CHSY3: variants seen among roughly 807,000 people sequenced by gnomAD.
CHSY3 encodes chondroitin sulfate synthase 3.
CHSY3 carries 35 observed loss-of-function variants against 67.2 expected under a neutral mutation model. That is an observed-to-expected ratio of 0.52 (90% CI 0.40 to 0.69). The LOEUF is 0.69. Ranked by LOEUF, CHSY3 falls within the 30% of genes least tolerant of loss-of-function variation. The probability of loss-of-function intolerance (pLI) is 0.00; values close to 1 mark genes in which losing one functional copy is unlikely to be tolerated. For missense variants in CHSY3, 1,069 were observed against 1,138.5 expected, an observed-to-expected ratio of 0.94 and a Z score of 0.88; for synonymous variants, 474 against 434.7, an observed-to-expected ratio of 1.09 and a Z score of -1.12.
At chr5:129,905,934 G>A (rs534747501) in intron 1 of CHSY3, 4 of 484,690 alleles carry the variant, frequency 8.3e-6, no homozygotes, top group African/African-American at 8.0e-5. Flanking sequence ...GGTTAGAAAA[G>A]GAACCTTAGA....
intron 2 of CHSY3, among the ~76,000 whole-genome samples, chr5:129,925,534 T>A (rs1017629189): frequency 2.0e-5 from 3 of 152,196 alleles, no homozygotes; most frequent in Non-Finnish European, 2.9e-5. Flanking sequence ...TCAAGCTAAT[T>A]AGCATGCGTT....
intron 2 of CHSY3, among the ~76,000 whole-genome samples, chr5:129,923,320 G>A (rs1031383749): frequency 2.6e-5 from 4 of 152,144 alleles, no homozygotes; most frequent in African/African-American, 9.7e-5. Flanking sequence ...TAGGGTATAA[G>A]ATAGGTGGTT....
chr5:130,154,371 T>A (rs1278064303), intron 2 of CHSY3, among the ~76,000 whole-genome samples: 1 of 152,204 alleles, frequency 6.6e-6, no homozygotes, highest in Admixed American at 6.5e-5. Flanking sequence ...AATGTGTGTG[T>A]CCCACTTGCT....
chr5:130,092,446 T>TAA (rs1244244815), intron 2 of CHSY3, among the ~76,000 whole-genome samples: 31 of 152,168 alleles, frequency 2.0e-4, no homozygotes, highest in Admixed American at 3.3e-4. Context: ...CACACCTCTT[T>TAA]ATAAAATACT....
At chr5:130,032,159 G>A (rs1764721618) in intron 2 of CHSY3, among the ~76,000 whole-genome samples, 1 of 152,096 alleles carries the variant, frequency 6.6e-6, no homozygotes, top group Non-Finnish European at 1.5e-5. Context: ...TCTGTTGCAT[G>A]TCTATATAAT....
At chr5:130,016,460 G>A (rs1003994650) in intron 2 of CHSY3, among the ~76,000 whole-genome samples, 1 of 152,162 alleles carries the variant, frequency 6.6e-6, no homozygotes, top group Non-Finnish European at 1.5e-5. Flanking sequence ...CCCTCAGGCT[G>A]GAGTGCAGTG....
chr5:130,057,613 A>G (rs1045832064), intron 2 of CHSY3, among the ~76,000 whole-genome samples: 15 of 152,274 alleles, frequency 9.9e-5, no homozygotes, highest in Admixed American at 6.5e-4. Flanking sequence ...CTGGTAGCAA[A>G]AATCACATTA....
intron 2 of CHSY3, among the ~76,000 whole-genome samples, chr5:130,162,713 T>TA (rs1561565107): frequency 1.3e-5 from 2 of 151,958 alleles, no homozygotes; most frequent in Non-Finnish European, 2.9e-5. Context: ...ATCTTTTTTT[T>TA]AAAAATGTTA....
At chr5:130,124,738 G>A (rs1416801379) in intron 2 of CHSY3, among the ~76,000 whole-genome samples, 5 of 152,148 alleles carry the variant, frequency 3.3e-5, no homozygotes, top group South Asian at 2.1e-4. Flanking sequence ...GATTACAGGC[G>A]TGAGCCACTG....
At position 130,184,521 on chromosome 5, in the gene CHSY3, G is replaced by T; in HGVS notation, c.1379G>T (p.Arg460Ile). ...TTCAACCACTTCCAGCCTCGGGAGA[G>T]AAATGAAGTGATAGAATGGGAGTTC... ...PSFNHFQPRE[R>I]NEVIEWEFLT... Residue 460 changes from arginine (R) to isoleucine (I), a missense_variant, in exon 3 of 3, where the codon AGA becomes ATA. Coordinates refer to ENST00000305031, the MANE Select transcript of CHSY3 (RefSeq NM_175856.5). 1 of 1,610,906 alleles carries T rather than the reference G, an allele frequency of 6.2e-7. No individual in the cohort carries two copies. Among genetic ancestry groups the T allele is most frequent in the South Asian group, 1.1e-5 (1 of 91,018 alleles).
chr5:130,132,724 T>C (rs554123646), intron 2 of CHSY3, among the ~76,000 whole-genome samples: 3 of 152,102 alleles, frequency 2.0e-5, no homozygotes, highest in African/African-American at 7.2e-5. Context: ...TCTAGAGATA[T>C]TTAGCAATGT....
Position 130,145,027 on chromosome 5 carries a change from C to A in CHSY3, c.1087-39202C>A, listed in dbSNP as rs1436870558. Among the ~76,000 whole-genome samples, 3 of 152,070 alleles carry A rather than the reference C, an allele frequency of 2.0e-5. No individual in the cohort carries two copies. The East Asian group carries it at 5.8e-4, about 29-fold the overall frequency. On this transcript the variant is annotated intron_variant, in intron 2 of 2. Transcript: ENST00000305031. The stretch of plus-strand genomic sequence containing the variant: ...AGAGAGAGGGAAGGGCAGTGCTACA[C>A]ACATTTAAACAACCAGATCTTATGA...
intron 2 of CHSY3, among the ~76,000 whole-genome samples, chr5:129,971,568 A>AT (rs1762641178): frequency 1.3e-5 from 2 of 152,076 alleles, no homozygotes; most frequent in Non-Finnish European, 2.9e-5. Flanking sequence ...AGTTAGTATC[A>AT]TGACCTCTAT....
At chr5:130,116,351 A>T (rs1767800621) in intron 2 of CHSY3, among the ~76,000 whole-genome samples, 1 of 152,230 alleles carries the variant, frequency 6.6e-6, no homozygotes, top group African/African-American at 2.4e-5. Context: ...GCATCAGAGT[A>T]AGCATGGTGC....
chr5:130,052,002 G>T (rs569766944), intron 2 of CHSY3: 3 of 151,824 alleles, frequency 2.0e-5, no homozygotes, highest in Admixed American at 2.0e-4. Flanking sequence ...AATGATTAGG[G>T]TACAGCAAAC....
chr5:130,065,858 T>A (rs1765867011), intron 2 of CHSY3, among the ~76,000 whole-genome samples: 1 of 152,112 alleles, frequency 6.6e-6, no homozygotes, highest in Non-Finnish European at 1.5e-5. Context: ...TCACACAGTC[T>A]CCTCCCCTGT....
intron 2 of CHSY3, among the ~76,000 whole-genome samples, chr5:130,020,598 A>G (rs901566384): frequency 2.1e-5 from 3 of 140,084 alleles, no homozygotes; most frequent in African/African-American, 7.7e-5. Flanking sequence ...TTCTCCGTTC[A>G]GGACCATGTG....
rs371592049 is a variant in CHSY3, at chr5:130,184,817, C to A, written c.1675C>A (p.Arg559Ser). The A allele has an allele frequency of 8.7e-6, 14 of 1,609,798 alleles. No homozygotes were observed. The South Asian group carries it at 8.8e-5, about 10-fold the overall frequency. Residue 559 changes from arginine (R) to serine (S), a missense_variant, in exon 3 of 3, where the codon CGT becomes AGT. Physicochemically the swap from Arg to Ser is moderately radical, Grantham distance 110. Around this residue, in one of 5 missense-constraint regions of CHSY3, gnomAD observed 401 missense variants for 395.2 expected, o/e 1.01. Transcript: ENST00000305031. ...KGRKLTVPVR[R>S]HAYLQQLFSK... is the part of the protein sequence containing the mutation. ...AAGGAAACTGACTGTGCCAGTGAGACGTCATGCCTATCTTCAGCAGTTGTT... is the reference window on the plus strand; with the variant it reads ...AAGGAAACTGACTGTGCCAGTGAGAAGTCATGCCTATCTTCAGCAGTTGTT...
At chr5:130,115,346 GA>G (rs1767757908) in intron 2 of CHSY3, among the ~76,000 whole-genome samples, 1 of 151,970 alleles carries the variant, frequency 6.6e-6, no homozygotes, top group South Asian at 2.1e-4. Context: ...TATTAGACCT[GA>G]AAAAGTCACT....
Sources: allele counts gnomAD v4.1 joint callset (sites outside exome capture counted in the v4.1 genomes callset), GRCh38; gene constraint gnomAD v4.1.1; regional missense constraint gnomAD v4.1.1; transcripts MANE v1.5; gene names NCBI Gene and HGNC (gene_info 2026-07-23, HGNC 2026-07-21).